Variants in TERF1 observed in about 807,000 individuals in gnomAD.
TERF1 encodes the protein telomeric repeat binding factor 1, also known as telomeric repeat-binding factor 1.
Under a neutral mutation model 55.1 loss-of-function variants are expected in TERF1, and 20 were observed. The ratio of observed to expected loss-of-function variants is 0.36; its 90% CI spans 0.26 to 0.53. The LOEUF (loss-of-function observed/expected upper bound fraction) is 0.53. Among genes scored for constraint, TERF1 ranks in the 20% least tolerant of loss-of-function variants. The probability of loss-of-function intolerance (pLI) is 0.91; values close to 1 mark genes in which losing one functional copy is unlikely to be tolerated. For missense variants in TERF1, 439 were observed against 535.7 expected (o/e 0.82, Z 1.78); for synonymous variants, 168 against 181.2 (o/e 0.93, Z 0.59).
At chr8:73,043,176 T>A (rs939860128) in intron 9 of TERF1, 7 of 152,156 alleles carry the variant, frequency 4.6e-5, no homozygotes, top group Admixed American at 1.3e-4. Context: ...CCTCTAAACT[T>A]AAAAATTACA....
chr8:73,019,235 T>C (rs55771343), intron 2 of TERF1, among the ~76,000 whole-genome samples: 1,706 of 152,224 alleles, frequency 0.011, 30 homozygotes, highest in African/African-American at 0.039. Flanking sequence ...GAAGGTAGTC[T>C]AGATAAAATG....
intron 2 of TERF1, among the ~76,000 whole-genome samples, chr8:73,014,900 G>A (rs1465908531): frequency 6.6e-6 from 1 of 152,228 alleles, no homozygotes; most frequent in Non-Finnish European, 1.5e-5. Flanking sequence ...TTGTGAAAGA[G>A]ACAGAGCCAT....
At chr8:73,017,878 T>G (rs1403045324) in intron 2 of TERF1, among the ~76,000 whole-genome samples, 1 of 152,074 alleles carries the variant, frequency 6.6e-6, no homozygotes, top group African/African-American at 2.4e-5. Flanking sequence ...AATTTTTCTA[T>G]TATTAGTAGA....
At chr8:73,027,898 G>A (rs964914511) in intron 6 of TERF1, among the ~76,000 whole-genome samples, 2 of 152,160 alleles carry the variant, frequency 1.3e-5, no homozygotes, top group African/African-American at 2.4e-5. Context: ...TTAGGACTGA[G>A]GTTCTGTCAT....
intron 6 of TERF1, 61 bp downstream of exon 6, chr8:73,027,113 A>G: frequency 2.6e-6 from 3 of 1,149,166 alleles, no homozygotes; most frequent in Non-Finnish European, 3.7e-6. Context: ...TTTATGTAAA[A>G]TTGATATGTC....
chr8:73,009,255 G>A (rs762854177), intron 1 of TERF1, 50 bp downstream of exon 1: 44 of 1,559,926 alleles, frequency 2.8e-5, no homozygotes, highest in Non-Finnish European at 3.5e-5. Flanking sequence ...GCGGATGCGG[G>A]CTCCGTGGTG....
chr8:73,037,494 AT>A lies in TERF1; in HGVS notation c.1040-1621del, dbSNP rs1356234950. Among the ~76,000 whole-genome samples the A allele has an allele frequency of 4.6e-5, 6 of 129,232 alleles. No homozygotes were observed. The East Asian group carries it at 1.0e-3, about 22-fold the overall frequency. 84.8% of individuals were successfully genotyped at this position (129,232 alleles called of 152,430 possible). On this transcript the variant is annotated intron_variant, in intron 8 of 9. Coordinates refer to ENST00000276603, the MANE Select transcript of TERF1 (RefSeq NM_017489.3). ...AATATATTAAATATATTTATATATA[AT>A]AAATTTATATATTTGGAATAAAATA...
intron 1 of TERF1, chr8:73,009,499 T>G (rs1183537808): frequency 2.9e-6 from 1 of 345,472 alleles, no homozygotes; most frequent in Non-Finnish European, 5.3e-6. Flanking sequence ...ACCCAGTACC[T>G]TTGTCTCTTT....
intron 2 of TERF1, chr8:73,018,809 C>T (rs1043567325): frequency 6.6e-6 from 1 of 152,078 alleles, no homozygotes; most frequent in African/African-American, 2.4e-5. Context: ...GCTTCTGCCC[C>T]CCAAAATTTG....
intron 7 of TERF1, chr8:73,030,791 A>G (rs1395884999): frequency 1.3e-5 from 2 of 155,230 alleles, no homozygotes; most frequent in Non-Finnish European, 2.9e-5. Flanking sequence ...ATTTGATCTA[A>G]TAGAATCGCT....
intron 2 of TERF1, among the ~76,000 whole-genome samples, chr8:73,020,284 TTC>T (rs1343728926): frequency 6.6e-6 from 1 of 152,218 alleles, no homozygotes; most frequent in East Asian, 1.9e-4. Flanking sequence ...TCATTATATA[TTC>T]ACATAAATTC....
At chr8:73,012,889 C>G (rs551577379) in intron 1 of TERF1, 2 of 455,862 alleles carry the variant, frequency 4.4e-6, no homozygotes, top group Non-Finnish European at 8.8e-6. Flanking sequence ...GACTGGCTAT[C>G]TGAAGTCATC....
intron 7 of TERF1, 136 bp from the exon 8 acceptor site, chr8:73,031,906 C>G (rs1368972512): frequency 1.9e-6 from 1 of 539,996 alleles, no homozygotes; most frequent in Non-Finnish European, 3.2e-6. Flanking sequence ...GGGTACTAAG[C>G]AGGGAGAGCA....
intron 2 of TERF1, among the ~76,000 whole-genome samples, chr8:73,017,251 A>T (rs1808551351): frequency 6.6e-6 from 1 of 152,176 alleles, no homozygotes; most frequent in Non-Finnish European, 1.5e-5. Flanking sequence ...GAAAGAAAGC[A>T]AGCAGATGAA....
intron 8 of TERF1, among the ~76,000 whole-genome samples, chr8:73,037,655 AT>A (rs1266330931): frequency 1.3e-4 from 8 of 60,406 alleles, no homozygotes; most frequent in Non-Finnish European, 1.9e-4. Flanking sequence ...TATATATTAT[AT>A]GTATAATAAT....
At chr8:73,020,511 T>C (rs1416814086) in intron 2 of TERF1, among the ~76,000 whole-genome samples, 173 bp from the exon 3 acceptor site, 1 of 152,200 alleles carries the variant, frequency 6.6e-6, no homozygotes, top group Non-Finnish European at 1.5e-5. Context: ...TTGAAATTGA[T>C]CTTAATGAGC....
intron 5 of TERF1, among the ~76,000 whole-genome samples, chr8:73,026,096 G>T (rs573996476): frequency 6.6e-6 from 1 of 150,744 alleles, no homozygotes; most frequent in Non-Finnish European, 1.5e-5. Flanking sequence ...TACTTGTGGC[G>T]GCTGAGGCAG....
At position 73,026,960 on chromosome 8, in the gene TERF1, A is replaced by C. The variant is rs778272685; in HGVS notation, c.795A>C (p.Glu265Asp). Reference sequence around the variant, plus strand: ...TTAAGGCAGCGGCAAAAGTAGTAGAAAGCAAAAGGACAAGAACAATAACTT... The same window carrying C: ...TTAAGGCAGCGGCAAAAGTAGTAGACAGCAAAAGGACAAGAACAATAACTT... Reference protein sequence around the residue: ...FLMKAAAKVVESKRTRTITSQ... With the variant: ...FLMKAAAKVVDSKRTRTITSQ... The change falls in exon 6 of 10, where the codon GAA (glutamate) becomes GAC (aspartate). Residue 265 changes from glutamate to aspartate, a missense_variant. Physicochemically the swap from Glu to Asp is conservative, Grantham distance 45. Around this residue, in one of 4 missense-constraint regions of TERF1, gnomAD observed 140 missense variants for 158.6 expected, o/e 0.88. Transcript: ENST00000276603. 6.2e-7 allele frequency: 1 copy of C among 1,611,626 alleles called. No homozygotes were observed. The highest frequency in any genetic ancestry group is 8.5e-7 in the Non-Finnish European group (1 of 1,179,700).
chr8:73,027,193 C>T, intron 6 of TERF1, 141 bp downstream of exon 6: 1 of 643,674 alleles, frequency 1.6e-6, no homozygotes, highest in Non-Finnish European at 2.6e-6. Context: ...ATTTGAAGTA[C>T]TGTAGAGTTA....
Sources: allele counts gnomAD v4.1 joint callset (sites outside exome capture counted in the v4.1 genomes callset), GRCh38; gene constraint gnomAD v4.1.1; regional missense constraint gnomAD v4.1.1; transcripts MANE v1.5; gene names NCBI Gene and HGNC (gene_info 2026-07-23, HGNC 2026-07-21).